CDH7: variants seen among roughly 807,000 people sequenced by gnomAD.
CDH7 encodes cadherin-7.
In CDH7, 25 loss-of-function variants were observed where a neutral mutation model predicts 71.8. The observed-to-expected ratio is 0.35, with a 90% CI of 0.25 to 0.49. The LOEUF is 0.49. Among genes scored for constraint, CDH7 ranks in the 20% least tolerant of loss-of-function variants. The probability of loss-of-function intolerance (pLI) is 0.99; values close to 1 mark genes in which losing one functional copy is unlikely to be tolerated. For synonymous variants in CDH7, 381 were observed against 363.8 expected, an observed-to-expected ratio of 1.05 and a Z score of -0.54; for missense variants, 862 against 974.6, an observed-to-expected ratio of 0.88 and a Z score of 1.54.
At chr18:65,861,877 TAA>T (rs1913575771) in intron 10 of CDH7, among the ~76,000 whole-genome samples, 1 of 86,932 alleles carries the variant, frequency 1.2e-5, no homozygotes, top group Admixed American at 1.6e-4. Flanking sequence ...TAACAGCTAT[TAA>T]TTTAAAAAAT....
intron 2 of CDH7, 140 bp downstream of exon 2, chr18:65,763,192 T>G: frequency 2.0e-6 from 1 of 497,050 alleles, no homozygotes; most frequent in Admixed American, 3.9e-5. Flanking sequence ...TGAAAGAGTT[T>G]ATGAAGGTTT....
intron 2 of CDH7, among the ~76,000 whole-genome samples, chr18:65,768,974 C>T (rs542136099): frequency 2.0e-5 from 3 of 151,364 alleles, no homozygotes; most frequent in African/African-American, 7.3e-5. Flanking sequence ...CATACTTATA[C>T]TGTGATTGAT....
chr18:65,754,096 A>G (rs994584683), intron 1 of CDH7, among the ~76,000 whole-genome samples: 3 of 152,232 alleles, frequency 2.0e-5, no homozygotes, highest in East Asian at 1.9e-4. Context: ...TATTACATAA[A>G]TAACTCAGAA....
In CDH7 at chr18:65,763,038, C is replaced by T; in HGVS notation, c.196C>T (p.Leu66Phe). The change falls in exon 2 of 12, where the codon CTC becomes TTC. Residue 66 changes from leucine to phenylalanine, a missense_variant. Leu to Phe is a conservative substitution (Grantham distance 22). Coordinates refer to ENST00000397968, the MANE Select transcript of CDH7 (RefSeq NM_004361.5). ...GGAGGAATACATGGGTTCAGACCCC[C>T]TCTATGTAGGAAAGGTAGGGTATTG... ...VLEEYMGSDPLYVGKLHSDVD... is the reference protein window; with the variant it reads ...VLEEYMGSDPFYVGKLHSDVD... 4 of 1,610,146 alleles carry T rather than the reference C, an allele frequency of 2.5e-6. No homozygotes were observed. The highest frequency in any genetic ancestry group is 3.4e-6 in the Non-Finnish European group (4 of 1,177,450).
rs1443978972 is a variant in CDH7 at position 65,889,280 on chromosome 18, G to A, written c.*8386G>A. 6.6e-6 allele frequency: 1 copy of A among 152,082 alleles called. No individual in the cohort carries two copies. 9.4% of individuals were successfully genotyped at this position (152,082 alleles called of 1,614,324 possible). ...CCACCTTTTCCAAAAAGAAAAAAAA[G>A]AAAGAAAAAGCTAAATCTTATGAAG... On this transcript the variant is annotated 3_prime_UTR_variant, in exon 12 of 12. Coordinates refer to ENST00000397968, the MANE Select transcript of CDH7 (RefSeq NM_004361.5).
chr18:65,842,350 C>A (rs1481027366), intron 6 of CDH7, among the ~76,000 whole-genome samples: 2 of 151,658 alleles, frequency 1.3e-5, no homozygotes, highest in African/African-American at 2.4e-5. Context: ...CCTGTCTGGT[C>A]TAGATATTGT....
At chr18:65,828,769 AATT>A (rs976898458) in intron 6 of CDH7, among the ~76,000 whole-genome samples, 17 of 152,010 alleles carry the variant, frequency 1.1e-4, no homozygotes, top group Non-Finnish European at 2.4e-4. Flanking sequence ...TATTCTCAGC[AATT>A]ATTTTATTAA....
At chr18:65,830,118 T>C (rs115081645) in intron 6 of CDH7, among the ~76,000 whole-genome samples, 1,946 of 152,206 alleles carry the variant, frequency 0.013, 38 homozygotes, top group African/African-American at 0.044. Flanking sequence ...ACTTCACTTA[T>C]GAGATAACCT....
At chr18:65,828,234 T>G (rs2143951624) in intron 6 of CDH7, among the ~76,000 whole-genome samples, 1 of 152,138 alleles carries the variant, frequency 6.6e-6, no homozygotes, top group South Asian at 2.1e-4. Flanking sequence ...AACAAATAAT[T>G]TATGTAAGAG....
At chr18:65,841,565 T>C (rs1235409803) in intron 6 of CDH7, among the ~76,000 whole-genome samples, 4 of 152,202 alleles carry the variant, frequency 2.6e-5, no homozygotes, top group Non-Finnish European at 4.4e-5. Context: ...AAACTGAGGT[T>C]ATTATCTAAA....
chr18:65,879,172 G>C (rs1914149789), intron 11 of CDH7, among the ~76,000 whole-genome samples: 1 of 152,160 alleles, frequency 6.6e-6, no homozygotes, highest in Admixed American at 6.5e-5. Context: ...CTGCATTTAA[G>C]TACACTGCAG....
At chr18:65,811,675 G>A (rs1335685710) in intron 3 of CDH7, among the ~76,000 whole-genome samples, 6 of 152,064 alleles carry the variant, frequency 3.9e-5, no homozygotes, top group Admixed American at 6.5e-5. Context: ...AGGAATTTTC[G>A]AGATATGTTT....
chr18:65,837,975 A>T (rs986468057), intron 6 of CDH7, among the ~76,000 whole-genome samples: 1 of 134,270 alleles, frequency 7.4e-6, no homozygotes, highest in African/African-American at 2.9e-5. Flanking sequence ...CCCGGGCTGG[A>T]GTGCAGTGGT....
At chr18:65,797,762 C>A (rs1237257170) in intron 2 of CDH7, among the ~76,000 whole-genome samples, 1 of 152,126 alleles carries the variant, frequency 6.6e-6, no homozygotes, top group African/African-American at 2.4e-5. Context: ...TTATTTCAAA[C>A]GTTCTGCAGA....
chr18:65,843,912 C>A lies in CDH7; in HGVS notation c.1082C>A (p.Thr361Lys). The A allele has an allele frequency of 6.2e-7, 1 of 1,606,034 alleles. No individual in the cohort carries two copies. Among genetic ancestry groups the A allele is most frequent in the Non-Finnish European group, 8.5e-7 (1 of 1,175,046 alleles). Reference protein sequence around the residue: ...RFLSLGPFSDTTTVKIIVEDV... With the variant: ...RFLSLGPFSDKTTVKIIVEDV... ...CTGAGCTTGGGTCCGTTCAGTGACA[C>A]GACAACTGTGAAGATAATTGTGGAA... Residue 361 changes from threonine to lysine, a missense_variant, in exon 7 of 12, where the codon ACG becomes AAG. Coordinates refer to ENST00000397968, the MANE Select transcript of CDH7 (RefSeq NM_004361.5).
intron 1 of CDH7, among the ~76,000 whole-genome samples, chr18:65,760,861 C>T (rs752545013): frequency 3.3e-5 from 5 of 152,178 alleles, no homozygotes; most frequent in South Asian, 2.1e-4. Flanking sequence ...AGTTTAAGCA[C>T]GTCCCTGCCT....
At chr18:65,835,660 G>A (rs1006108167) in intron 6 of CDH7, among the ~76,000 whole-genome samples, 69 of 152,296 alleles carry the variant, frequency 4.5e-4, no homozygotes, top group African/African-American at 1.6e-3. Flanking sequence ...TGACCTCAGC[G>A]TAGTAAGGGA....
intron 6 of CDH7, among the ~76,000 whole-genome samples, chr18:65,829,649 G>T (rs1912264367): frequency 6.6e-6 from 1 of 151,068 alleles, no homozygotes; most frequent in Non-Finnish European, 1.5e-5. Context: ...CCTGCACTCT[G>T]CTTTCGTGCC....
intron 3 of CDH7, 129 bp from the exon 4 acceptor site, chr18:65,814,356 T>C: frequency 2.1e-6 from 2 of 968,772 alleles, no homozygotes; most frequent in Non-Finnish European, 3.2e-6. Flanking sequence ...TCCATTTTTT[T>C]ATGTGTCTTG....
Sources: gnomAD v4.1 joint callset for allele counts (sites outside exome capture counted in the v4.1 genomes callset) on GRCh38, gnomAD v4.1.1 for gene constraint, MANE v1.5 for transcripts, NCBI Gene and HGNC (gene_info 2026-07-23, HGNC 2026-07-21) for gene names.